Variants in SLC35F3 observed in about 807,000 individuals in gnomAD.
The protein encoded by SLC35F3 is putative thiamine transporter SLC35F3.
A neutral mutation model predicts 49.9 loss-of-function variants in SLC35F3; 25 were observed. The ratio of observed to expected loss-of-function variants is 0.50; its 90% CI spans 0.37 to 0.70. The LOEUF (loss-of-function observed/expected upper bound fraction) is 0.70, where lower values mean the gene tolerates loss of function less well. SLC35F3 is among the 30% of genes least tolerant of loss of function. The pLI is 0.00. For missense variants in SLC35F3, 525 were observed against 639.8 expected (o/e 0.82, Z 1.94); for synonymous variants, 275 against 265.4 (o/e 1.04, Z -0.35).
At chr1:234,128,101 C>T (rs754576729) in intron 2 of SLC35F3, among the ~76,000 whole-genome samples, 14 of 152,090 alleles carry the variant, frequency 9.2e-5, no homozygotes, top group Admixed American at 7.2e-4. Flanking sequence ...AAAGTGATGC[C>T]GACAAACAGG....
intron 3 of SLC35F3, chr1:234,285,664 A>G (rs1446782789): frequency 4.3e-5 from 10 of 235,084 alleles, no homozygotes. Flanking sequence ...AAACTGAAAA[A>G]CATTAATTAG....
chr1:234,280,629 T>G (rs1668307871), intron 3 of SLC35F3, among the ~76,000 whole-genome samples: 1 of 152,094 alleles, frequency 6.6e-6, no homozygotes, highest in South Asian at 2.1e-4. Context: ...CTGGGATGAT[T>G]CTCCCAAGGT....
intron 2 of SLC35F3, among the ~76,000 whole-genome samples, chr1:234,107,198 C>T (rs1370599405): frequency 6.6e-6 from 1 of 152,134 alleles, no homozygotes; most frequent in African/African-American, 2.4e-5. Flanking sequence ...TTCCTGGGAC[C>T]AAGAGCTACC....
chr1:234,125,684 G>C (rs557620681), intron 2 of SLC35F3, among the ~76,000 whole-genome samples: 4 of 152,224 alleles, frequency 2.6e-5, no homozygotes, highest in Admixed American at 2.6e-4. Context: ...TGCCAACAAA[G>C]TTATTTTCCT....
chr1:234,320,307 C>T lies in SLC35F3; in HGVS notation c.1237+120C>T. On this transcript the variant is annotated intron_variant, in intron 7 of 7. Coordinates refer to ENST00000366618, the MANE Select transcript of SLC35F3 (RefSeq NM_173508.4). The surrounding 1 kb of genome is among the most constrained non-coding windows in gnomAD (Gnocchi z 4.8). ...TCACACATACACTCACATACACACACTCATGCATACACACACACACACATA... is the reference window on the plus strand; with the variant it reads ...TCACACATACACTCACATACACACATTCATGCATACACACACACACACATA... 1.4e-6 allele frequency: 1 copy of T among 710,306 alleles called. No individual in the cohort carries two copies. Among genetic ancestry groups the T allele is most frequent in the South Asian group, 1.5e-5 (1 of 64,936 alleles). 44.0% of individuals were successfully genotyped at this position (710,306 alleles called of 1,614,324 possible).
chr1:234,053,857 C>A (rs991370766), intron 2 of SLC35F3, among the ~76,000 whole-genome samples: 2 of 152,170 alleles, frequency 1.3e-5, no homozygotes, highest in Admixed American at 6.6e-5. Context: ...AATCTCTGAG[C>A]ATTTGCTTGT....
At chr1:234,044,159 A>G (rs1295814867) in intron 2 of SLC35F3, among the ~76,000 whole-genome samples, 5 of 152,160 alleles carry the variant, frequency 3.3e-5, no homozygotes, top group Non-Finnish European at 7.4e-5. Flanking sequence ...TTTCTGCAAG[A>G]TAGTGTTTGG....
chr1:234,205,325 A>G (rs1666953557), intron 2 of SLC35F3, among the ~76,000 whole-genome samples: 1 of 152,248 alleles, frequency 6.6e-6, no homozygotes, highest in Admixed American at 6.5e-5. Flanking sequence ...CGCCAGGAAC[A>G]GAATGGCTTC....
At chr1:234,143,294 T>TTTTC (rs1558241210) in intron 2 of SLC35F3, among the ~76,000 whole-genome samples, 17 of 139,396 alleles carry the variant, frequency 1.2e-4, no homozygotes, top group African/African-American at 5.5e-4. Flanking sequence ...TTTTCTTTTT[T>TTTTC]TTTTTTTTTT....
intron 2 of SLC35F3, among the ~76,000 whole-genome samples, chr1:234,223,307 T>A (rs1460071045): frequency 6.6e-6 from 1 of 152,146 alleles, no homozygotes; most frequent in Non-Finnish European, 1.5e-5. Context: ...GTGAGCTGGA[T>A]CACGACCTGA....
intron 4 of SLC35F3, among the ~76,000 whole-genome samples, chr1:234,312,332 C>T (rs879364966): frequency 2.6e-5 from 4 of 152,344 alleles, no homozygotes; most frequent in Admixed American, 6.5e-5. Context: ...GCTAAGAGGT[C>T]ATCCATGGGG....
intron 3 of SLC35F3, among the ~76,000 whole-genome samples, chr1:234,290,431 G>A (rs959183418): frequency 2.6e-5 from 4 of 152,272 alleles, no homozygotes; most frequent in African/African-American, 4.8e-5. Context: ...ATATACTCCA[G>A]CACATATAAA....
intron 2 of SLC35F3, among the ~76,000 whole-genome samples, chr1:234,207,288 CA>C (rs1666984682): frequency 6.7e-6 from 1 of 149,424 alleles, no homozygotes; most frequent in Admixed American, 6.7e-5. Flanking sequence ...GCCATGCAGG[CA>C]GCAAAGGAAC....
chr1:234,318,670 T>A, intron 5 of SLC35F3, 81 bp from the exon 6 acceptor site: 1 of 1,266,504 alleles, frequency 7.9e-7, no homozygotes, highest in South Asian at 1.4e-5. Context: ...CCCAGCGTTG[T>A]GGAGTGAACT....
chr1:233,908,473 T>G (rs922946221), intron 2 of SLC35F3, among the ~76,000 whole-genome samples: 2 of 152,180 alleles, frequency 1.3e-5, no homozygotes, highest in African/African-American at 2.4e-5. Flanking sequence ...TTGCTCAGTA[T>G]TCTCAACTCA....
At chr1:234,201,264 TA>T (rs1169317627) in intron 2 of SLC35F3, among the ~76,000 whole-genome samples, 2 of 152,370 alleles carry the variant, frequency 1.3e-5, no homozygotes, top group African/African-American at 4.8e-5. Context: ...GGTTTACCTA[TA>T]TCATTTCTGG....
chr1:234,058,877 C>T (rs1664496922), intron 2 of SLC35F3, among the ~76,000 whole-genome samples: 1 of 151,966 alleles, frequency 6.6e-6, no homozygotes, highest in Non-Finnish European at 1.5e-5. Flanking sequence ...TTTAAATGGC[C>T]TATTTCTCTT....
intron 2 of SLC35F3, among the ~76,000 whole-genome samples, chr1:234,014,798 C>A (rs541179964): frequency 9.6e-4 from 146 of 152,042 alleles, no homozygotes; most frequent in Non-Finnish European, 1.7e-3. Context: ...ACGTTGAAAA[C>A]TATAAAGATC....
At chr1:234,250,640 C>G (rs1453954093) in intron 3 of SLC35F3, among the ~76,000 whole-genome samples, 2 of 127,514 alleles carry the variant, frequency 1.6e-5, no homozygotes, top group Non-Finnish European at 3.1e-5. Context: ...GGCGACAGAG[C>G]GAGACTCCGT....
Sources: allele counts gnomAD v4.1 joint callset (sites outside exome capture counted in the v4.1 genomes callset), GRCh38; gene constraint gnomAD v4.1.1; non-coding constraint Gnocchi (gnomAD v3.1); transcripts MANE v1.5; gene names NCBI Gene and HGNC (gene_info 2026-07-23, HGNC 2026-07-21).